ME1: variants seen among roughly 807,000 people sequenced by gnomAD.
ME1 encodes malic enzyme 1.
ME1 carries 74 observed loss-of-function variants against 66.4 expected under a neutral mutation model. The ratio of observed to expected loss-of-function variants is 1.11; its 90% confidence interval spans 0.92 to 1.35. ME1 has a LOEUF of 1.35. Among genes scored for constraint, ME1 ranks in the 40% most tolerant of loss-of-function variants. The pLI is 0.00. For synonymous variants in ME1, 251 were observed against 235.6 expected, an observed-to-expected ratio of 1.07 and a Z score of -0.60; for missense variants, 750 against 694.1, an observed-to-expected ratio of 1.08 and a Z score of -0.90.
At chr6:83,391,010 T>TTA (rs1769609302) in intron 3 of ME1, among the ~76,000 whole-genome samples, 3 of 152,154 alleles carry the variant, frequency 2.0e-5, no homozygotes, top group South Asian at 2.1e-4. Context: ...GTAAGTGAAA[T>TTA]AAATAGACTA....
Position 83,228,892 on chromosome 6 carries a change from G to T in ME1, c.1066C>A (p.His356Asn). The change falls in exon 10 of 14, where the codon CAT becomes AAT. Residue 356 changes from histidine to asparagine, a missense_variant. Coordinates refer to ENST00000369705, the MANE Select transcript of ME1 (RefSeq NM_002395.6). ...AGGTTCTTCATTTCTTCATGTTCAT[G>T]GGCAAACTTCTCTTTCTCTTGTGTT... ...SLTQEKEKFA[H>N]EHEEMKNLEA... 10 of 1,612,936 alleles carry T rather than the reference G, an allele frequency of 6.2e-6. No homozygotes were observed. Among genetic ancestry groups the T allele is most frequent in the Non-Finnish European group, 8.5e-6 (10 of 1,179,720 alleles).
At chr6:83,346,142 C>CA in intron 5 of ME1, 31 bp downstream of exon 5, 2 of 1,536,530 alleles carry the variant, frequency 1.3e-6, no homozygotes, top group Non-Finnish European at 1.8e-6. Flanking sequence ...TTTAAAGGTA[C>CA]ATAGCTGCCT....
chr6:83,317,681 G>A (rs1358069944), intron 5 of ME1, among the ~76,000 whole-genome samples: 1 of 152,066 alleles, frequency 6.6e-6, no homozygotes, highest in Non-Finnish European at 1.5e-5. Context: ...AATTGCCCTT[G>A]CTCATGGGTA....
At chr6:83,371,061 T>C (rs1251953353) in intron 3 of ME1, among the ~76,000 whole-genome samples, 2 of 152,178 alleles carry the variant, frequency 1.3e-5, no homozygotes, top group Admixed American at 1.3e-4. Flanking sequence ...AGATCTCATG[T>C]CCCAAATCTT....
At chr6:83,276,347 G>A (rs1259984817) in intron 6 of ME1, among the ~76,000 whole-genome samples, 2 of 152,168 alleles carry the variant, frequency 1.3e-5, no homozygotes, top group Admixed American at 6.5e-5. Flanking sequence ...TGCTGGTGCA[G>A]ATAAAGATTC....
intron 6 of ME1, among the ~76,000 whole-genome samples, chr6:83,304,132 T>C (rs1767781170): frequency 6.6e-6 from 1 of 152,184 alleles, no homozygotes; most frequent in African/African-American, 2.4e-5. Context: ...AAGGTACTAT[T>C]AGCATTTTAC....
intron 1 of ME1, among the ~76,000 whole-genome samples, chr6:83,428,614 C>A (rs939391199): frequency 6.6e-6 from 1 of 152,064 alleles, no homozygotes; most frequent in African/African-American, 2.4e-5. Context: ...GAGCTACTAG[C>A]AAAATTAAAG....
chr6:83,221,041 T>C (rs1157828145), intron 12 of ME1, among the ~76,000 whole-genome samples: 1 of 152,110 alleles, frequency 6.6e-6, no homozygotes, highest in Admixed American at 6.6e-5. Context: ...GTGCCTGTAA[T>C]CCCAGATACT....
intron 6 of ME1, among the ~76,000 whole-genome samples, chr6:83,260,223 G>A (rs984362597): frequency 2.3e-4 from 35 of 151,256 alleles, no homozygotes; most frequent in African/African-American, 8.3e-4. Flanking sequence ...ATGTTTAGGT[G>A]TTGTCTGCTT....
At position 83,406,429 on chromosome 6, in the gene ME1, G is replaced by A. The variant is rs756711335; in HGVS notation, c.212+1339C>T. Among the ~76,000 whole-genome samples, 3 of 152,172 alleles carry A rather than the reference G, an allele frequency of 2.0e-5. No individual in the cohort carries two copies. The South Asian group carries it at 6.2e-4, about 32-fold the overall frequency. The stretch of plus-strand genomic sequence containing the variant: ...GTACCAGCTCCTCTTTATATTTCTG[G>A]TAGAATTCAGCTGTGAATCCATCTG... On this transcript the variant is annotated intron_variant, in intron 2 of 13. Transcript: ENST00000369705.
chr6:83,215,038 TTAAAC>T (rs1459093428), intron 13 of ME1, among the ~76,000 whole-genome samples: 1 of 152,216 alleles, frequency 6.6e-6, no homozygotes. Context: ...TATTAATAGT[TTAAAC>T]TACTTAAAAA....
intron 6 of ME1, among the ~76,000 whole-genome samples, chr6:83,306,811 T>C (rs150615761): frequency 6.6e-6 from 1 of 152,238 alleles, no homozygotes; most frequent in East Asian, 1.9e-4. Flanking sequence ...ACAGTACTTT[T>C]TCTAACACAG....
chr6:83,294,822 T>TA lies in ME1; in HGVS notation c.704+20487dup, dbSNP rs199906289. Among the ~76,000 whole-genome samples, 995 of 152,246 alleles carry TA rather than the reference T, an allele frequency of 6.5e-3. 10 individuals are homozygous for TA. The highest frequency in any genetic ancestry group is 0.023 in the African/African-American group (943 of 41,554). On this transcript the variant is annotated intron_variant, in intron 6 of 13. Coordinates refer to ENST00000369705, the MANE Select transcript of ME1 (RefSeq NM_002395.6). ...CCCCATCCCAGGGCAATTGCACTGA[T>TA]AGATTGCAGCGCCACATCTCTCTGG...
At chr6:83,241,462 G>A (rs1790507930) in intron 7 of ME1, among the ~76,000 whole-genome samples, 1 of 151,984 alleles carries the variant, frequency 6.6e-6, no homozygotes, top group African/African-American at 2.4e-5. Flanking sequence ...ATCCTATTTG[G>A]TACCTTAATT....
intron 1 of ME1, among the ~76,000 whole-genome samples, chr6:83,414,860 C>T (rs1175180110): frequency 6.6e-6 from 1 of 152,088 alleles, no homozygotes; most frequent in Non-Finnish European, 1.5e-5. Context: ...TTTATCATAA[C>T]AAGTTGTAAG....
chr6:83,250,131 C>G (rs918597279), intron 7 of ME1, among the ~76,000 whole-genome samples: 6 of 151,804 alleles, frequency 4.0e-5, no homozygotes, highest in African/African-American at 1.5e-4. Flanking sequence ...TTTTATGTTT[C>G]ATAGTCCGTT....
At chr6:83,254,425 T>C in intron 6 of ME1, among the ~76,000 whole-genome samples, 1 of 152,108 alleles carries the variant, frequency 6.6e-6, no homozygotes, top group East Asian at 1.9e-4. Context: ...CATGGCTTAA[T>C]CACTTCCCAA....
intron 3 of ME1, among the ~76,000 whole-genome samples, chr6:83,387,967 A>G (rs537612197): frequency 8.4e-4 from 128 of 152,262 alleles, no homozygotes; most frequent in African/African-American, 2.9e-3. Context: ...CCAGATCCAT[A>G]TATTTAATTG....
chr6:83,417,822 AAT>A (rs1255670209), intron 1 of ME1, among the ~76,000 whole-genome samples: 3 of 152,246 alleles, frequency 2.0e-5, no homozygotes, highest in African/African-American at 7.2e-5. Flanking sequence ...AATAAAGAGG[AAT>A]ATATCTTACA....
Sources: gnomAD v4.1 joint callset for allele counts (sites outside exome capture counted in the v4.1 genomes callset) on GRCh38, gnomAD v4.1.1 for gene constraint, MANE v1.5 for transcripts, NCBI Gene and HGNC (gene_info 2026-07-23, HGNC 2026-07-21) for gene names.